MRTFB: variants seen among roughly 807,000 people sequenced by gnomAD.
MRTFB encodes myocardin related transcription factor B, also known as myocardin-related transcription factor B.
In MRTFB, 29 loss-of-function variants were observed where a neutral mutation model predicts 104.2. The observed-to-expected ratio is 0.28, with a 90% CI of 0.21 to 0.38. The LOEUF (loss-of-function observed/expected upper bound fraction) is 0.38. Ranked by LOEUF, MRTFB falls within the 10% of genes least tolerant of loss-of-function variation. The probability of loss-of-function intolerance (pLI) is 1.00; values close to 1 mark genes in which losing one functional copy is unlikely to be tolerated. For missense variants in MRTFB, 1,270 were observed against 1,341.6 expected, an observed-to-expected ratio of 0.95 and a Z score of 0.83; for synonymous variants, 535 against 519.5, an observed-to-expected ratio of 1.03 and a Z score of -0.41.
intron 3 of MRTFB, among the ~76,000 whole-genome samples, chr16:14,167,692 T>C (rs1163379428): frequency 6.6e-6 from 1 of 152,104 alleles, no homozygotes; most frequent in African/African-American, 2.4e-5. Flanking sequence ...TTGTTTTGTT[T>C]TGTTTTTGTT....
chr16:14,093,362 G>C (rs556500440), intron 2 of MRTFB, among the ~76,000 whole-genome samples: 25 of 151,742 alleles, frequency 1.6e-4, no homozygotes, highest in African/African-American at 5.6e-4. Context: ...CATATATTTT[G>C]TGTTTTTGCA....
the MRTFB span, among the ~76,000 whole-genome samples, chr16:14,027,097 G>T: frequency 6.6e-6 from 1 of 152,054 alleles, no homozygotes; most frequent in African/African-American, 2.4e-5. Flanking sequence ...ACAAAAACCG[G>T]TACATGAATA....
intron 3 of MRTFB, among the ~76,000 whole-genome samples, chr16:14,161,613 C>G (rs1324413513): frequency 6.6e-6 from 1 of 152,106 alleles, no homozygotes; most frequent in Non-Finnish European, 1.5e-5. Context: ...ACATTAAGAA[C>G]TCTTGTGTAC....
intron 2 of MRTFB, among the ~76,000 whole-genome samples, chr16:14,091,364 G>A (rs2035054655): frequency 6.6e-6 from 1 of 152,186 alleles, no homozygotes; most frequent in Non-Finnish European, 1.5e-5. Flanking sequence ...ATGAAATGCT[G>A]CAGAAACCAG....
chr16:14,144,322 T>C (rs1458314569), intron 3 of MRTFB: 2 of 152,234 alleles, frequency 1.3e-5, no homozygotes, highest in African/African-American at 2.4e-5. Context: ...TTCAGACATA[T>C]AATTTCAGGC....
rs1255027050 is a variant in MRTFB at position 14,106,582 on chromosome 16, A to G, written c.-64+27228A>G. 5.9e-5 allele frequency among the ~76,000 whole-genome samples: 9 copies of G among 151,946 alleles called. No individual in the cohort carries two copies. In the East Asian group the frequency reaches 1.7e-3, roughly 29 times the overall value. ...GGTTGCTGTGAGGATTAAATGGGAGACTCTCTGTAAAGGGTAGAGCTCAAA... is the reference window on the plus strand; with the variant it reads ...GGTTGCTGTGAGGATTAAATGGGAGGCTCTCTGTAAAGGGTAGAGCTCAAA... On this transcript the variant is annotated intron_variant, in intron 2 of 16. Coordinates refer to ENST00000571589, the MANE Select transcript of MRTFB (RefSeq NM_001308142.2).
chr16:14,128,152 G>A lies in MRTFB; in HGVS notation c.-63-12392G>A, dbSNP rs572070762. ...AAGGCTTAGGGATGTTTATGGTTGAGGAAGTGAGGTAGTCTAAGGCATGGG... is the reference window on the plus strand; with the variant it reads ...AAGGCTTAGGGATGTTTATGGTTGAAGAAGTGAGGTAGTCTAAGGCATGGG... On this transcript the variant is annotated intron_variant, in intron 2 of 16. Transcript: ENST00000571589. Among the ~76,000 whole-genome samples the A allele has an allele frequency of 2.6e-5, 4 of 152,024 alleles. No individual in the cohort carries two copies. In the South Asian group the frequency reaches 8.3e-4, roughly 32 times the overall value.
At chr16:14,103,912 A>C (rs1391162735) in intron 2 of MRTFB, among the ~76,000 whole-genome samples, 6 of 152,200 alleles carry the variant, frequency 3.9e-5, no homozygotes, top group Non-Finnish European at 8.8e-5. Flanking sequence ...AGTCAGATGA[A>C]TTTGTAACTT....
At chr16:14,225,725 C>T (rs371115587) in intron 8 of MRTFB, among the ~76,000 whole-genome samples, 32 of 152,210 alleles carry the variant, frequency 2.1e-4, no homozygotes, top group African/African-American at 7.0e-4. Context: ...GACAGGGTTT[C>T]GCCATATTGA....
In MRTFB at chr16:14,261,487, A is replaced by G. The variant is rs761352184; in HGVS notation, c.*43A>G. The stretch of plus-strand genomic sequence containing the variant: ...CTGAGAGTTGATGAGGTTTAAGAAC[A>G]TGAAGATTCTAAAAGGTCAGTTTTT... On this transcript the variant is annotated 3_prime_UTR_variant, in exon 17 of 17. Coordinates refer to ENST00000571589, the MANE Select transcript of MRTFB (RefSeq NM_001308142.2). The G allele has an allele frequency of 1.8e-5, 27 of 1,520,304 alleles. No individual in the cohort carries two copies. The highest frequency in any genetic ancestry group is 4.2e-5 in the African/African-American group (3 of 71,974). 94.2% of individuals were successfully genotyped at this position (1,520,304 alleles called of 1,614,324 possible).
At chr16:14,250,531 G>T (rs2043210505) in intron 13 of MRTFB, among the ~76,000 whole-genome samples, 1 of 152,202 alleles carries the variant, frequency 6.6e-6, no homozygotes, top group Admixed American at 6.5e-5. Flanking sequence ...TTTACATGGG[G>T]CCTTGCTTGT....
intron 3 of MRTFB, among the ~76,000 whole-genome samples, chr16:14,155,755 GT>G (rs1337292088): frequency 6.6e-6 from 1 of 152,112 alleles, no homozygotes; most frequent in Non-Finnish European, 1.5e-5. Context: ...CAGTTCGAAC[GT>G]TTCCCGACCT....
At chr16:14,093,927 A>G (rs1252862049) in intron 2 of MRTFB, among the ~76,000 whole-genome samples, 1 of 152,262 alleles carries the variant, frequency 6.6e-6, no homozygotes, top group Non-Finnish European at 1.5e-5. Flanking sequence ...TTAAAAATGT[A>G]TCTAACATAA....
At chr16:14,117,971 A>C (rs1045748834) in intron 2 of MRTFB, among the ~76,000 whole-genome samples, 2 of 152,182 alleles carry the variant, frequency 1.3e-5, no homozygotes, top group African/African-American at 4.8e-5. Context: ...AACATAGAGA[A>C]TAATATAACC....
chr16:14,079,216 C>A, intron 1 of MRTFB, 74 bp from the exon 2 acceptor site: 1 of 313,878 alleles, frequency 3.2e-6, no homozygotes, highest in Non-Finnish European at 5.9e-6. Flanking sequence ...ACTTCACATT[C>A]TCCAAGAGAC....
chr16:14,235,284 A>C (rs949055541), intron 9 of MRTFB, among the ~76,000 whole-genome samples: 1 of 152,220 alleles, frequency 6.6e-6, no homozygotes, highest in African/African-American at 2.4e-5. Context: ...GACATACATC[A>C]GTGTGTTTCC....
rs1161686824 is a variant in MRTFB, at chr16:14,071,359, C to T, written c.-135C>T. On this transcript the variant is annotated 5_prime_UTR_variant, in exon 1 of 17. Coordinates refer to ENST00000571589, the MANE Select transcript of MRTFB (RefSeq NM_001308142.2). ...CGGCGGGAGCGGCGGCGGCGGCGGC[C>T]GGGGAGGTGAGCGGCGGGCGGTGGC... The T allele has an allele frequency of 1.3e-5, 2 of 157,870 alleles. No homozygotes were observed. Among genetic ancestry groups the T allele is most frequent in the Admixed American group, 6.9e-5 (1 of 14,592 alleles). 9.8% of individuals were successfully genotyped at this position (157,870 alleles called of 1,614,324 possible).
At chr16:14,064,521 T>A in the MRTFB span, among the ~76,000 whole-genome samples, 2 of 152,352 alleles carry the variant, frequency 1.3e-5, no homozygotes, top group African/African-American at 4.8e-5. Context: ...GGCATCTTCA[T>A]CATAAAATCT....
chr16:14,063,013 G>T, the MRTFB span, among the ~76,000 whole-genome samples: 6 of 152,198 alleles, frequency 3.9e-5, no homozygotes, highest in Non-Finnish European at 1.5e-5. Flanking sequence ...TGCAAGGAAG[G>T]CAGGAGATCT....
Sources: allele counts gnomAD v4.1 joint callset (sites outside exome capture counted in the v4.1 genomes callset), GRCh38; gene constraint gnomAD v4.1.1; transcripts MANE v1.5; gene names NCBI Gene and HGNC (gene_info 2026-07-23, HGNC 2026-07-21).